Variants in USP5 observed in about 807,000 individuals in gnomAD.
The protein encoded by USP5 is ubiquitin specific peptidase 5.
USP5 carries 24 observed loss-of-function variants against 102.5 expected under a neutral mutation model. The observed-to-expected ratio is 0.23, with a 90% confidence interval of 0.17 to 0.33. The LOEUF is 0.33. Among genes scored for constraint, USP5 ranks in the 10% least tolerant of loss-of-function variants. The pLI is 1.00. For missense variants in USP5, 753 were observed against 1,122.1 expected, an observed-to-expected ratio of 0.67 and a Z score of 4.70; for synonymous variants, 460 against 434.8, an observed-to-expected ratio of 1.06 and a Z score of -0.72.
At position 6,858,558 on chromosome 12, in the gene USP5, C is replaced by T. The variant is rs782020937; in HGVS notation, c.999C>T (p.Asn333=). The T allele has an allele frequency of 1.2e-6, 2 of 1,613,708 alleles. No homozygotes were observed. Among genetic ancestry groups the T allele is most frequent in the African/African-American group, 1.3e-5 (1 of 75,054 alleles). ...PGYTGIRNLG[N]SCYLNSVVQV... ...ACACAGGCATCCGGAACCTGGGTAACAGCTGCTACCTCAACTCTGTGGTCC... is the reference window on the plus strand; with the variant it reads ...ACACAGGCATCCGGAACCTGGGTAATAGCTGCTACCTCAACTCTGTGGTCC... The change falls in exon 8 of 20, where the codon AAC becomes AAT. Residue 333 remains asparagine, a synonymous_variant. Transcript: ENST00000229268. The surrounding 1 kb of genome is among the most constrained non-coding windows in gnomAD (Gnocchi z 4.2).
chr12:6,864,945 C>T lies in USP5; in HGVS notation c.2398+70C>T, dbSNP rs1944390494. 6.4e-7 allele frequency: 1 copy of T among 1,559,818 alleles called. No individual in the cohort carries two copies. The highest frequency in any genetic ancestry group is 1.4e-5 in the African/African-American group (1 of 73,974). On this transcript the variant is annotated intron_variant, in intron 18 of 19. Coordinates refer to ENST00000229268, the MANE Select transcript of USP5 (RefSeq NM_001098536.2). This position sits in a 1 kb window ranked among gnomAD's most constrained non-coding sequence, Gnocchi z 4.8. ...AGTCTACTACACCAGATCCCTCATT[C>T]AGGCAGCTCTGCCCTCCTCAGGAGT...
chr12:6,852,277 C>G lies in USP5; in HGVS notation c.98C>G (p.Ser33Cys). The G allele has an allele frequency of 6.2e-7, 1 of 1,610,600 alleles. No homozygotes were observed. Among genetic ancestry groups the G allele is most frequent in the Non-Finnish European group, 8.5e-7 (1 of 1,178,634 alleles). The change falls in exon 1 of 20, where the codon TCC becomes TGC. Residue 33 changes from serine to cysteine, a missense_variant. By Grantham distance (112) the Ser-to-Cys change is moderately radical. Transcript: ENST00000229268. ...GTCCACAAAGACGAGTGCGCCTTCT[C>G]CTTCGACACGCCGGTAAGCCCATTC... is the stretch of plus-strand genomic sequence containing the variant. The part of the protein sequence containing the change: ...DRVHKDECAF[S>C]FDTPESEGGL...
In USP5 at chr12:6,862,486, T is replaced by G. The variant is rs782260845; in HGVS notation, c.1690T>G (p.Ser564Ala). 11 of 1,614,022 alleles carry G rather than the reference T, an allele frequency of 6.8e-6. No homozygotes were observed. The East Asian group carries it at 2.0e-4, about 29-fold the overall frequency. The change falls in exon 14 of 20, where the codon TCA becomes GCA. Residue 564 changes from serine to alanine, a missense_variant. Transcript: ENST00000229268. Reference sequence around the variant, plus strand: ...CTTCCCTAGGACCACACGATTTGCCTCATTCCCTGACTACCTGGTCATCCA... The same window carrying G: ...CTTCCCTAGGACCACACGATTTGCCGCATTCCCTGACTACCTGGTCATCCA... ...SVAVKTTRFA[S>A]FPDYLVIQIK...
intron 1 of USP5, among the ~76,000 whole-genome samples, chr12:6,853,548 C>T (rs1213377153): frequency 6.6e-6 from 1 of 152,224 alleles, no homozygotes; most frequent in Non-Finnish European, 1.5e-5. Context: ...CCACATTCTT[C>T]CCAGGAGGGA....
At chr12:6,859,583 T>C (rs782575118) in intron 9 of USP5, 42 bp downstream of exon 9, 16 of 1,595,822 alleles carry the variant, frequency 1.0e-5, no homozygotes, top group Non-Finnish European at 1.4e-5. Flanking sequence ...TTGACAGTCA[T>C]GGCCGTATAC....
chr12:6,856,533 G>T lies in USP5; in HGVS notation c.584+83G>T. On this transcript the variant is annotated intron_variant, in intron 5 of 19. Coordinates refer to ENST00000229268, the MANE Select transcript of USP5 (RefSeq NM_001098536.2). The surrounding 1 kb of genome is among the most constrained non-coding windows in gnomAD (Gnocchi z 5.6). ...CTTTTCTGGGGGATCTGGTGGGAGA[G>T]AGGGTAGGGAGCAGGACAGGAAGGG... 1 of 1,553,406 alleles carries T rather than the reference G, an allele frequency of 6.4e-7. No individual in the cohort carries two copies.
In USP5 at chr12:6,860,634, TGAG is replaced by T. The variant is rs1349543920; in HGVS notation, c.1344+149_1344+151del. The T allele has an allele frequency of 1.4e-6, 2 of 1,410,606 alleles. No individual in the cohort carries two copies. Among genetic ancestry groups the T allele is most frequent in the African/African-American group, 1.4e-5 (1 of 70,702 alleles). 87.4% of individuals were successfully genotyped at this position (1,410,606 alleles called of 1,614,324 possible). On this transcript the variant is annotated intron_variant, in intron 11 of 19. Transcript: ENST00000229268. The surrounding 1 kb of genome is among the most constrained non-coding windows in gnomAD (Gnocchi z 5.5). ...TGTCCCTGTGAACAGTGCTTGCACCTGAGGAGGACAGTGAAGGTGATGATCCCT... is the reference window on the plus strand; with the variant it reads ...TGTCCCTGTGAACAGTGCTTGCACCTGAGGACAGTGAAGGTGATGATCCCT...
intron 19 of USP5, among the ~76,000 whole-genome samples, chr12:6,865,613 T>A (rs1565534996): frequency 6.6e-6 from 1 of 152,088 alleles, no homozygotes; most frequent in Non-Finnish European, 1.5e-5. Flanking sequence ...GACACACTTG[T>A]TTATGTGTTG....
Position 6,861,365 on chromosome 12 carries a change from A to G in USP5, c.1499-78A>G. ...AGGGTAGAGGAACTGAAATACGGAC[A>G]CAGAGCCAGTAGGGAGAGGCTAAGG... On this transcript the variant is annotated intron_variant, in intron 12 of 19. Transcript: ENST00000229268. The surrounding 1 kb of genome is among the most constrained non-coding windows in gnomAD (Gnocchi z 4.9). 1 of 1,469,898 alleles carries G rather than the reference A, an allele frequency of 6.8e-7. No individual in the cohort carries two copies. The highest frequency in any genetic ancestry group is 2.3e-5 in the East Asian group (1 of 43,582). 91.1% of individuals were successfully genotyped at this position (1,469,898 alleles called of 1,614,324 possible).
In USP5 at chr12:6,864,090, G is replaced by A. The variant is rs782707039; in HGVS notation, c.2139G>A (p.Pro713=). The A allele has an allele frequency of 2.2e-5, 36 of 1,613,424 alleles. No homozygotes were observed. The highest frequency in any genetic ancestry group is 2.1e-4 in the African/African-American group (16 of 74,902). ...TCATCCTGCCTGGCTCTAGTGGGCC[G>A]GGCTCCACAAGCGCAGCAGCCGACC... ...NPLILPGSSG[P]GSTSAAADPP... is the part of the protein sequence containing the mutation. Residue 713 remains proline (P), a synonymous_variant, in exon 17 of 20, where the codon CCG becomes CCA. Transcript: ENST00000229268. This position sits in a 1 kb window ranked among gnomAD's most constrained non-coding sequence, Gnocchi z 4.8.
intron 18 of USP5, 105 bp from the exon 19 acceptor site, chr12:6,865,059 C>A: frequency 7.7e-7 from 1 of 1,295,070 alleles, no homozygotes; most frequent in Non-Finnish European, 1.1e-6. Context: ...GCCTCACATT[C>A]CCTGAAACTC....
At position 6,861,735 on chromosome 12, in the gene USP5, A is replaced by G; in HGVS notation, c.1673+118A>G. ...GTGGTTGGAACCTCAGGGTTGAATC[A>G]GTTGGGCTGGTAATCTGGCCCTGAT... On this transcript the variant is annotated intron_variant, in intron 13 of 19. Coordinates refer to ENST00000229268, the MANE Select transcript of USP5 (RefSeq NM_001098536.2). The surrounding 1 kb of genome is among the most constrained non-coding windows in gnomAD (Gnocchi z 4.9). The G allele has an allele frequency of 8.3e-7, 1 of 1,199,274 alleles. No individual in the cohort carries two copies. The highest frequency in any genetic ancestry group is 1.1e-6 in the Non-Finnish European group (1 of 922,934). The allele number at this position is 1,199,274 out of a possible 1,614,324, so 74.3% of individuals were successfully genotyped here. A position where few individuals can be genotyped will look rare whatever the true frequency, so the allele number is the denominator to read the frequency against.
In USP5 at chr12:6,855,271, G is replaced by A; in HGVS notation, c.112-130G>A. On this transcript the variant is annotated intron_variant, in intron 1 of 19. Coordinates refer to ENST00000229268, the MANE Select transcript of USP5 (RefSeq NM_001098536.2). The surrounding 1 kb of genome is among the most constrained non-coding windows in gnomAD (Gnocchi z 4.6). The stretch of plus-strand genomic sequence containing the variant: ...CTAAAAGGCTAAATAACTTGCCAAG[G>A]GCCACACAGTGTTAGAGAACAGAAC... 2 of 1,265,498 alleles carry A rather than the reference G, an allele frequency of 1.6e-6. No homozygotes were observed. The highest frequency in any genetic ancestry group is 4.8e-5 in the East Asian group (2 of 42,084). The allele number at this position is 1,265,498 out of a possible 1,614,324, so 78.4% of individuals were successfully genotyped here. A position where few individuals can be genotyped will look rare whatever the true frequency, so the allele number is the denominator to read the frequency against.
Position 6,863,019 on chromosome 12 carries a change from C to G in USP5, c.1763-167C>G, listed in dbSNP as rs1555129878. On this transcript the variant is annotated intron_variant, in intron 14 of 19. Coordinates refer to ENST00000229268, the MANE Select transcript of USP5 (RefSeq NM_001098536.2). The surrounding 1 kb of genome is among the most constrained non-coding windows in gnomAD (Gnocchi z 4.7). ...ACCAGCATCCTGGCCTCCCAACTCCCAGGCTTAGTATTATTTGTCTTATAC... is the reference window on the plus strand; with the variant it reads ...ACCAGCATCCTGGCCTCCCAACTCCGAGGCTTAGTATTATTTGTCTTATAC... The G allele has an allele frequency of 1.6e-6, 1 of 636,116 alleles. No individual in the cohort carries two copies. The highest frequency in any genetic ancestry group is 1.9e-5 in the African/African-American group (1 of 54,050). 39.4% of individuals were successfully genotyped at this position (636,116 alleles called of 1,614,324 possible).
Position 6,856,164 on chromosome 12 carries a change from CT to C in USP5, c.438+15del. ...GTCAGAGATCGGGTATGACTGCCCC[CT>C]ATGCTACCCAAGATTCTAGAGCAAG... is the stretch of plus-strand genomic sequence containing the variant. On this transcript the variant is annotated intron_variant, in intron 4 of 19. Transcript: ENST00000229268. This position sits in a 1 kb window ranked among gnomAD's most constrained non-coding sequence, Gnocchi z 5.6. 1.2e-6 allele frequency: 2 copies of C among 1,613,904 alleles called. No individual in the cohort carries two copies. The highest frequency in any genetic ancestry group is 1.7e-6 in the Non-Finnish European group (2 of 1,179,900).
chr12:6,865,368 G>C (rs1464749253), intron 19 of USP5, 120 bp downstream of exon 19: 1 of 861,524 alleles, frequency 1.2e-6, no homozygotes, highest in Non-Finnish European at 1.8e-6. Context: ...GGGACATAAA[G>C]TGCCAGAGAG....
chr12:6,859,713 C>T (rs782809632), intron 9 of USP5, among the ~76,000 whole-genome samples, 172 bp downstream of exon 9: 4 of 152,104 alleles, frequency 2.6e-5, no homozygotes, highest in Non-Finnish European at 4.4e-5. Context: ...AGTGCAGTGG[C>T]GCGATCTCGG....
chr12:6,857,762 C>G (rs991919158), intron 7 of USP5, 39 bp downstream of exon 7: 1 of 1,603,862 alleles, frequency 6.2e-7, no homozygotes, highest in South Asian at 1.1e-5. Flanking sequence ...CTACTTCCTG[C>G]CCCTGTGAGG....
Position 6,861,756 on chromosome 12 carries a change from C to G in USP5, c.1673+139C>G. ...AATCAGTTGGGCTGGTAATCTGGCC[C>G]TGATGGAACCAAGGGGCCCTGGTAG... is the stretch of plus-strand genomic sequence containing the variant. On this transcript the variant is annotated intron_variant, in intron 13 of 19. Coordinates refer to ENST00000229268, the MANE Select transcript of USP5 (RefSeq NM_001098536.2). This position sits in a 1 kb window ranked among gnomAD's most constrained non-coding sequence, Gnocchi z 4.9. 9.9e-7 allele frequency: 1 copy of G among 1,006,438 alleles called. No individual in the cohort carries two copies. The highest frequency in any genetic ancestry group is 3.6e-5 in the Admixed American group (1 of 27,698). The allele number at this position is 1,006,438 out of a possible 1,614,324, so 62.3% of individuals were successfully genotyped here.
Sources: allele counts gnomAD v4.1 joint callset (sites outside exome capture counted in the v4.1 genomes callset), GRCh38; gene constraint gnomAD v4.1.1; non-coding constraint Gnocchi (gnomAD v3.1); transcripts MANE v1.5; gene names NCBI Gene and HGNC (gene_info 2026-07-23, HGNC 2026-07-21).